The following SPIDR variants were observed in gnomAD, a reference collection of about 807,000 sequenced individuals.
SPIDR encodes scaffold protein involved in DNA repair.
SPIDR carries 93 observed loss-of-function variants against 104.6 expected under a neutral mutation model. The observed-to-expected ratio is 0.89, with a 90% confidence interval of 0.75 to 1.06. The LOEUF is 1.06. Among genes scored for constraint, SPIDR ranks in the 50% least tolerant of loss-of-function variants. The probability of loss-of-function intolerance (pLI) is 0.00; values close to 1 mark genes in which losing one functional copy is unlikely to be tolerated. For missense variants in SPIDR, 1,154 were observed against 1,111.2 expected, an observed-to-expected ratio of 1.04 and a Z score of -0.55; for synonymous variants, 431 against 416.9, an observed-to-expected ratio of 1.03 and a Z score of -0.41.
chr8:47,501,962 G>T (rs954951316), intron 8 of SPIDR, among the ~76,000 whole-genome samples: 16 of 152,168 alleles, frequency 1.1e-4, no homozygotes, highest in Non-Finnish European at 5.9e-5. Context: ...ATTTGTGTAT[G>T]TTGAACCAGC....
chr8:47,313,343 C>A (rs1415878396), intron 5 of SPIDR, among the ~76,000 whole-genome samples: 2 of 152,126 alleles, frequency 1.3e-5, no homozygotes. Context: ...ACCTAGGAAT[C>A]CAAACTTACA....
intron 12 of SPIDR, among the ~76,000 whole-genome samples, chr8:47,701,440 T>C (rs2080169945): frequency 6.6e-6 from 1 of 152,178 alleles, no homozygotes; most frequent in Non-Finnish European, 1.5e-5. Flanking sequence ...AAAAAAGCCA[T>C]TTCTAGATTA....
intron 8 of SPIDR, chr8:47,511,075 T>C (rs2154375935): frequency 8.8e-7 from 1 of 1,138,676 alleles, no homozygotes; most frequent in Non-Finnish European, 1.3e-6. Context: ...CAGGTTGGCT[T>C]CCTTCAGGGT....
At chr8:47,669,968 C>G (rs1330125408) in intron 10 of SPIDR, among the ~76,000 whole-genome samples, 2 of 152,122 alleles carry the variant, frequency 1.3e-5, no homozygotes, top group Non-Finnish European at 2.9e-5. Context: ...CCACTGCACT[C>G]CAGCCTGGCA....
intron 5 of SPIDR, among the ~76,000 whole-genome samples, chr8:47,317,806 C>T (rs1015120769): frequency 1.3e-5 from 2 of 152,184 alleles, no homozygotes; most frequent in Non-Finnish European, 2.9e-5. Flanking sequence ...CGCTGTTCTG[C>T]AGCCTCCACT....
At chr8:47,378,833 C>T (rs1445869014) in intron 5 of SPIDR, among the ~76,000 whole-genome samples, 4 of 152,172 alleles carry the variant, frequency 2.6e-5, no homozygotes, top group African/African-American at 9.7e-5. Context: ...TTGAAGGGGG[C>T]CCTGGGACTC....
At chr8:47,719,170 C>T (rs904975221) in intron 16 of SPIDR, among the ~76,000 whole-genome samples, 1 of 152,102 alleles carries the variant, frequency 6.6e-6, no homozygotes, top group Admixed American at 6.6e-5. Flanking sequence ...ACTTTAGTGG[C>T]CTGAACAGGG....
intron 8 of SPIDR, among the ~76,000 whole-genome samples, chr8:47,508,927 G>A (rs2081903573): frequency 6.6e-6 from 1 of 151,650 alleles, no homozygotes; most frequent in African/African-American, 2.4e-5. Flanking sequence ...TATTATGGAA[G>A]TGTCCTTCCA....
intron 14 of SPIDR, among the ~76,000 whole-genome samples, chr8:47,708,658 T>C (rs2632503): frequency 0.025 from 3,809 of 152,310 alleles, 48 homozygotes; most frequent in Non-Finnish European, 0.038. Flanking sequence ...GACCTAAAAA[T>C]CTGCTCCACG....
chr8:47,261,606 C>G (rs942837777), intron 1 of SPIDR, among the ~76,000 whole-genome samples: 2 of 152,202 alleles, frequency 1.3e-5, no homozygotes, highest in East Asian at 3.8e-4. Flanking sequence ...AAAGTTTCTT[C>G]TAACTTCCTT....
chr8:47,735,633 C>T lies in SPIDR; in HGVS notation c.*183C>T. On this transcript the variant is annotated 3_prime_UTR_variant, in exon 20 of 20. Transcript: ENST00000297423. ...TTTTGTGAACTGTAAATCAAAATAC[C>T]TTTTTCTACAGTTTATCTTTTATTT... The T allele has an allele frequency of 2.5e-6, 3 of 1,195,042 alleles. No homozygotes were observed. Among genetic ancestry groups the T allele is most frequent in the Non-Finnish European group, 3.4e-6 (3 of 878,814 alleles). 74.0% of individuals were successfully genotyped at this position (1,195,042 alleles called of 1,614,324 possible).
chr8:47,388,972 C>A (rs1554649894), intron 5 of SPIDR, among the ~76,000 whole-genome samples: 1 of 152,176 alleles, frequency 6.6e-6, no homozygotes, highest in African/African-American at 2.4e-5. Flanking sequence ...CTACTCCTTG[C>A]CTCATGCCAG....
At chr8:47,419,140 G>C (rs1340152656) in intron 7 of SPIDR, 1 of 152,230 alleles carries the variant, frequency 6.6e-6, no homozygotes, top group Non-Finnish European at 1.5e-5. Flanking sequence ...GATAAAATGA[G>C]TGAGGGAGGA....
chr8:47,333,458 C>T (rs2049127572), intron 5 of SPIDR, among the ~76,000 whole-genome samples: 1 of 151,926 alleles, frequency 6.6e-6, no homozygotes, highest in Non-Finnish European at 1.5e-5. Flanking sequence ...TGCACCACTA[C>T]ACCTGGCTAA....
intron 8 of SPIDR, among the ~76,000 whole-genome samples, chr8:47,500,702 T>C (rs1205957357): frequency 1.3e-5 from 2 of 152,146 alleles, no homozygotes; most frequent in Non-Finnish European, 2.9e-5. Flanking sequence ...GTGGTTTAGA[T>C]GTGAAGTCCT....
At chr8:47,346,296 C>T (rs1454730676) in intron 5 of SPIDR, among the ~76,000 whole-genome samples, 1 of 152,098 alleles carries the variant, frequency 6.6e-6, no homozygotes, top group Admixed American at 6.5e-5. Context: ...AATGAAGCAG[C>T]CTTGCATCCC....
intron 8 of SPIDR, among the ~76,000 whole-genome samples, chr8:47,464,690 C>T (rs1301133806): frequency 2.0e-5 from 3 of 151,916 alleles, no homozygotes; most frequent in Admixed American, 2.0e-4. Flanking sequence ...CCTGTCCTCT[C>T]CCCTCCCCTC....
chr8:47,423,550 C>T (rs1276008621), intron 7 of SPIDR, among the ~76,000 whole-genome samples: 1 of 151,796 alleles, frequency 6.6e-6, no homozygotes, highest in Non-Finnish European at 1.5e-5. Context: ...TTTTGTGAGC[C>T]GAGATCACGC....
intron 1 of SPIDR, among the ~76,000 whole-genome samples, chr8:47,262,035 A>G (rs917568829): frequency 6.6e-6 from 1 of 152,026 alleles, no homozygotes; most frequent in African/African-American, 2.4e-5. Flanking sequence ...GCAACAGCTC[A>G]TTTTCTTCTC....
Sources: allele counts gnomAD v4.1 joint callset (sites outside exome capture counted in the v4.1 genomes callset), GRCh38; gene constraint gnomAD v4.1.1; transcripts MANE v1.5; gene names NCBI Gene and HGNC (gene_info 2026-07-23, HGNC 2026-07-21).